The following AKAP19 variants were observed in gnomAD, a reference collection of about 807,000 sequenced individuals.
AKAP19 encodes small A-kinase anchoring protein.
the AKAP19 span, among the ~76,000 whole-genome samples, chr2:190,142,778 A>G: frequency 2.0e-5 from 3 of 152,298 alleles, no homozygotes; most frequent in African/African-American, 7.2e-5. Context: ...ATACCATCGC[A>G]AGAGTGAATT....
At chr2:190,144,259 A>G in the AKAP19 span, among the ~76,000 whole-genome samples, 2 of 151,190 alleles carry the variant, frequency 1.3e-5, no homozygotes, top group African/African-American at 2.4e-5. Context: ...AAAAAAAAAA[A>G]AGAGTTTTTG....
the AKAP19 span, among the ~76,000 whole-genome samples, chr2:190,089,251 C>T: frequency 4.6e-5 from 7 of 152,062 alleles, no homozygotes; most frequent in African/African-American, 7.2e-5. Flanking sequence ...TGATTCTTTT[C>T]ATTTATTTAT....
the AKAP19 span, among the ~76,000 whole-genome samples, chr2:190,032,466 C>T: frequency 6.6e-6 from 1 of 152,114 alleles, no homozygotes; most frequent in Admixed American, 6.6e-5. Flanking sequence ...CTATTTGACA[C>T]ATGTATGCAT....
chr2:190,092,927 T>C, the AKAP19 span, among the ~76,000 whole-genome samples: 2 of 152,222 alleles, frequency 1.3e-5, no homozygotes, highest in African/African-American at 2.4e-5. Flanking sequence ...TTACAGCGAG[T>C]CGATTGCTAG....
chr2:189,967,055 A>C, the AKAP19 span, among the ~76,000 whole-genome samples: 2 of 152,202 alleles, frequency 1.3e-5, no homozygotes, highest in African/African-American at 2.4e-5. Context: ...TACATTCTTC[A>C]TTCTTCCTTA....
At chr2:190,038,460 G>A in the AKAP19 span, among the ~76,000 whole-genome samples, 1 of 152,156 alleles carries the variant, frequency 6.6e-6, no homozygotes, top group Non-Finnish European at 1.5e-5. Context: ...ATAAGACTAT[G>A]TCTAGCAGAG....
chr2:190,181,823 CAA>C, the AKAP19 span, among the ~76,000 whole-genome samples: 2 of 152,124 alleles, frequency 1.3e-5, no homozygotes, highest in African/African-American at 4.8e-5. Context: ...TTTATTATGA[CAA>C]AGTATAAATC....
the AKAP19 span, among the ~76,000 whole-genome samples, chr2:189,943,851 T>C: frequency 2.6e-5 from 4 of 152,358 alleles, no homozygotes; most frequent in East Asian, 7.7e-4. Flanking sequence ...TGAACTTCCG[T>C]GGAGCCTGTA....
At chr2:190,090,112 C>T in the AKAP19 span, among the ~76,000 whole-genome samples, 1 of 152,116 alleles carries the variant, frequency 6.6e-6, no homozygotes, top group African/African-American at 2.4e-5. Flanking sequence ...CCTGCCTGCT[C>T]CTTTGGGAGA....
At chr2:190,096,834 A>G in the AKAP19 span, among the ~76,000 whole-genome samples, 1 of 152,076 alleles carries the variant, frequency 6.6e-6, no homozygotes, top group East Asian at 1.9e-4. Context: ...TGTTCCATCT[A>G]TGTCATCTTC....
At chr2:189,911,947 CCCTT>C in the AKAP19 span, among the ~76,000 whole-genome samples, 1 of 151,472 alleles carries the variant, frequency 6.6e-6, no homozygotes, top group Non-Finnish European at 1.5e-5. Flanking sequence ...GGTTGATTTA[CCCTT>C]CCTTATGAAC....
At chr2:190,130,941 G>A in the AKAP19 span, among the ~76,000 whole-genome samples, 7 of 152,142 alleles carry the variant, frequency 4.6e-5, no homozygotes, top group Admixed American at 1.3e-4. Context: ...AAATGTAAAT[G>A]CTCAGATAGA....
the AKAP19 span, among the ~76,000 whole-genome samples, chr2:190,145,799 C>A: frequency 1.7e-3 from 260 of 149,988 alleles, no homozygotes; most frequent in Admixed American, 2.8e-3. Flanking sequence ...GATTCTCTCT[C>A]TGTATATATA....
chr2:190,150,705 AGTC>A, the AKAP19 span, among the ~76,000 whole-genome samples: 1 of 151,568 alleles, frequency 6.6e-6, no homozygotes, highest in Non-Finnish European at 1.5e-5. Flanking sequence ...GCTGCAATCT[AGTC>A]CTTTGGACAA....
the AKAP19 span, chr2:190,062,313 T>C: frequency 6.2e-7 from 1 of 1,613,366 alleles, no homozygotes; most frequent in Non-Finnish European, 8.5e-7. Context: ...CCTCTGGACA[T>C]CATACTGATC....
At chr2:190,020,399 A>C in the AKAP19 span, among the ~76,000 whole-genome samples, 1 of 152,216 alleles carries the variant, frequency 6.6e-6, no homozygotes, top group Non-Finnish European at 1.5e-5. Context: ...TATTTATAAT[A>C]TACCTAAATT....
the AKAP19 span, among the ~76,000 whole-genome samples, chr2:190,031,862 T>A: frequency 2.0e-5 from 3 of 152,306 alleles, no homozygotes; most frequent in Non-Finnish European, 2.9e-5. Flanking sequence ...TTAAAAAAAA[T>A]TTCTGAATAT....
At chr2:190,054,148 A>G in the AKAP19 span, among the ~76,000 whole-genome samples, 3 of 152,154 alleles carry the variant, frequency 2.0e-5, no homozygotes, top group African/African-American at 7.2e-5. Context: ...CTCTAGGACC[A>G]TATACCCTTG....
the AKAP19 span, among the ~76,000 whole-genome samples, chr2:190,092,231 G>C: frequency 6.6e-6 from 1 of 152,146 alleles, no homozygotes; most frequent in Non-Finnish European, 1.5e-5. Context: ...GTTGACTGCT[G>C]ATTAACTCCA....
Sources: gnomAD v4.1 joint callset for allele counts (sites outside exome capture counted in the v4.1 genomes callset) on GRCh38, gnomAD v4.1.1 for gene constraint, MANE v1.5 for transcripts, NCBI Gene and HGNC (gene_info 2026-07-23, HGNC 2026-07-21) for gene names.